The following ATP5F1B variants were observed in gnomAD, a reference collection of about 807,000 sequenced individuals.
ATP5F1B encodes ATP synthase F1 subunit beta.
Under a neutral mutation model 45.9 loss-of-function variants are expected in ATP5F1B, and 17 were observed. That is an observed-to-expected ratio of 0.37 (90% CI 0.25 to 0.56). The LOEUF is 0.56. Among genes scored for constraint, ATP5F1B ranks in the 20% least tolerant of loss-of-function variants. ATP5F1B has a pLI of 0.80. For missense variants in ATP5F1B, 387 were observed against 673.2 expected, an observed-to-expected ratio of 0.57 and a Z score of 4.70; for synonymous variants, 218 against 256.5, an observed-to-expected ratio of 0.85 and a Z score of 1.43.
At chr12:56,642,926 T>C in intron 5 of ATP5F1B, 95 bp from the exon 6 acceptor site, 7 of 1,387,814 alleles carry the variant, frequency 5.0e-6, no homozygotes, top group Non-Finnish European at 6.9e-6. Context: ...ACAGATCCTT[T>C]CTCAGAAGGT....
At position 56,638,273 on chromosome 12, in the gene ATP5F1B, C is replaced by A. The variant is rs1471504546; in HGVS notation, c.*50G>T. On this transcript the variant is annotated 3_prime_UTR_variant, in exon 10 of 10. Coordinates refer to ENST00000262030, the MANE Select transcript of ATP5F1B (RefSeq NM_001686.4). ...GTGCAGCCTACACAGAAAAATGAAG[C>A]TTTTTGGGTTAGGGGCAAGGAGAGA... The A allele has an allele frequency of 6.7e-7, 1 of 1,502,206 alleles. No homozygotes were observed. Among genetic ancestry groups the A allele is most frequent in the Non-Finnish European group, 9.2e-7 (1 of 1,087,230 alleles). 93.1% of individuals were successfully genotyped at this position (1,502,206 alleles called of 1,614,324 possible). A position where few individuals can be genotyped will look rare whatever the true frequency, so the allele number is the denominator to read the frequency against.
At chr12:56,640,753 CAA>C (rs1418102620) in intron 7 of ATP5F1B, among the ~76,000 whole-genome samples, 1 of 151,274 alleles carries the variant, frequency 6.6e-6, no homozygotes, top group Non-Finnish European at 1.5e-5. Context: ...GAATTAAAAA[CAA>C]GAGGCTGGGG....
chr12:56,642,558 A>G lies in ATP5F1B; in HGVS notation c.974T>C (p.Ile325Thr). 1.9e-6 allele frequency: 3 copies of G among 1,614,136 alleles called. No homozygotes were observed. Among genetic ancestry groups the G allele is most frequent in the Non-Finnish European group, 2.5e-6 (3 of 1,180,020 alleles). Residue 325 changes from isoleucine to threonine, a missense_variant, in exon 7 of 10, where the codon ATC (isoleucine) becomes ACC (threonine). This residue lies in a region of ATP5F1B where 154 missense variants were observed against 361.4 expected (regional missense o/e 0.43). Transcript: ENST00000262030. The stretch of plus-strand genomic sequence containing the variant: ...AGGCTGATAGCCCACAGCAGAAGGG[A>G]TTCGGCCCAATAATGCAGACACCTA... Reference protein sequence around the residue: ...GSEVSALLGRIPSAVGYQPTL... With the variant: ...GSEVSALLGRTPSAVGYQPTL...
chr12:56,641,820 G>C (rs1196378007), intron 7 of ATP5F1B, among the ~76,000 whole-genome samples: 1 of 151,924 alleles, frequency 6.6e-6, no homozygotes, highest in Non-Finnish European at 1.5e-5. Context: ...CAAAGTGCTG[G>C]GATTACAGGC....
chr12:56,640,235 T>TTTG, intron 7 of ATP5F1B, 43 bp from the exon 8 acceptor site: 1 of 1,554,020 alleles, frequency 6.4e-7, no homozygotes, highest in African/African-American at 1.4e-5. Flanking sequence ...AAGTAAATTT[T>TTTG]TTTTTTTTTT....
Position 56,643,977 on chromosome 12 carries a change from G to C in ATP5F1B, c.486-19C>G, listed in dbSNP as rs1223382027. ...AGCAAATCTGTAAAGGTAGAAGAGA[G>C]GATAGTATCTATTCACCTTGTTGAA... On this transcript the variant is annotated intron_variant, in intron 3 of 9. Coordinates refer to ENST00000262030, the MANE Select transcript of ATP5F1B (RefSeq NM_001686.4). 6.2e-7 allele frequency: 1 copy of C among 1,611,814 alleles called. No individual in the cohort carries two copies.
chr12:56,643,221 T>C lies in ATP5F1B; in HGVS notation c.792+182A>G, dbSNP rs1951524958. On this transcript the variant is annotated intron_variant, in intron 5 of 9. Coordinates refer to ENST00000262030, the MANE Select transcript of ATP5F1B (RefSeq NM_001686.4). ...AGGAAAGAAAATGTCCATTTGTGTA[T>C]TGGAAGTTGGGGGGGAAAACACTAA... 1.3e-5 allele frequency: 7 copies of C among 530,026 alleles called. No individual in the cohort carries two copies. In the Admixed American group the frequency reaches 1.8e-4, roughly 13 times the overall value. 32.8% of individuals were successfully genotyped at this position (530,026 alleles called of 1,614,324 possible).
chr12:56,642,820 T>C lies in ATP5F1B; in HGVS notation c.804A>G (p.Val268=). Reference sequence around the variant, plus strand: ...CAGGTGGTTCATTCATTTGACCATATACCAGCGCTACCTGCAGTAATCATA... The same window carrying C: ...CAGGTGGTTCATTCATTTGACCATACACCAGCGCTACCTGCAGTAATCATA... ...LKDATSKVAL[V]YGQMNEPPGA... The change falls in exon 6 of 10, where the codon GTA becomes GTG. Residue 268 remains valine, a synonymous_variant. Coordinates refer to ENST00000262030, the MANE Select transcript of ATP5F1B (RefSeq NM_001686.4). The C allele has an allele frequency of 6.2e-7, 1 of 1,614,116 alleles. No homozygotes were observed. The highest frequency in any genetic ancestry group is 1.1e-5 in the South Asian group (1 of 91,086).
At chr12:56,639,025 T>C in intron 9 of ATP5F1B, 81 bp downstream of exon 9, 1 of 1,290,970 alleles carries the variant, frequency 7.7e-7, no homozygotes, top group Non-Finnish European at 1.1e-6. Context: ...TTAAGCATAG[T>C]ATATTACATA....
At position 56,642,516 on chromosome 12, in the gene ATP5F1B, A is replaced by G. The variant is rs1329185982; in HGVS notation, c.1016T>C (p.Met339Thr). ...VGYQPTLATD[M>T]GTMQERITTT... is the part of the protein sequence containing the mutation. ...GGTAATTCTTTCCTGCATAGTACCC[A>G]TGTCAGTGGCCAGGGTAGGCTGATA... The change falls in exon 7 of 10, where the codon ATG (methionine) becomes ACG (threonine). Residue 339 changes from methionine (M) to threonine (T), a missense_variant. Met to Thr is a moderately conservative substitution (Grantham distance 81). Around this residue, in one of 6 missense-constraint regions of ATP5F1B, gnomAD observed 154 missense variants for 361.4 expected, o/e 0.43. Transcript: ENST00000262030. 1 of 1,614,086 alleles carries G rather than the reference A, an allele frequency of 6.2e-7. No homozygotes were observed. The highest frequency in any genetic ancestry group is 1.7e-5 in the Admixed American group (1 of 60,010).
intron 7 of ATP5F1B, 141 bp from the exon 8 acceptor site, chr12:56,640,333 ATT>A (rs972812622): frequency 2.9e-6 from 2 of 684,632 alleles, no homozygotes; most frequent in African/African-American, 3.7e-5. Flanking sequence ...GATTCAAGCA[ATT>A]CTCTGTCTCA....
At chr12:56,643,623 T>C (rs1951529151) in intron 4 of ATP5F1B, 36 bp from the exon 5 acceptor site, 1 of 1,611,336 alleles carries the variant, frequency 6.2e-7, no homozygotes, top group Admixed American at 1.7e-5. Context: ...ATTTAAGAGT[T>C]CTGCTTTCCT....
chr12:56,645,594 G>T (rs988344285), intron 1 of ATP5F1B, among the ~76,000 whole-genome samples: 1 of 152,164 alleles, frequency 6.6e-6, no homozygotes, highest in Non-Finnish European at 1.5e-5. Flanking sequence ...CAACCGGAAG[G>T]TCAACGCACC....
chr12:56,638,988 G>T, intron 9 of ATP5F1B, 118 bp downstream of exon 9: 1 of 980,654 alleles, frequency 1.0e-6, no homozygotes, highest in Non-Finnish European at 1.5e-6. Flanking sequence ...CAATGGGTAA[G>T]TTTGTTTTTT....
At chr12:56,645,445 A>C in intron 1 of ATP5F1B, 92 bp from the exon 2 acceptor site, 64 of 1,374,174 alleles carry the variant, frequency 4.7e-5, no homozygotes, top group Non-Finnish European at 5.6e-5. Flanking sequence ...AGGAAAACTC[A>C]GCCGAAGTCA....
Position 56,645,864 on chromosome 12 carries a change from G to A in ATP5F1B, c.100C>T (p.Arg34Trp), listed in dbSNP as rs767840117. The A allele has an allele frequency of 1.9e-6, 3 of 1,609,096 alleles. No homozygotes were observed. Among genetic ancestry groups the A allele is most frequent in the African/African-American group, 1.3e-5 (1 of 74,874 alleles). Reference sequence around the variant, plus strand: ...GGATGGACCGCCGTCGGAGCGGCCCGCAGTAAGAGCTGAGCTGGGGGCAGC... The same window carrying A: ...GGATGGACCGCCGTCGGAGCGGCCCACAGTAAGAGCTGAGCTGGGGGCAGC... ...ASLPPAQLLL[R>W]AAPTAVHPVR... is the part of the protein sequence containing the mutation. Residue 34 changes from arginine to tryptophan, a missense_variant, in exon 1 of 10, where the codon CGG (arginine) becomes TGG (tryptophan). Physicochemically the swap from Arg to Trp is moderately radical, Grantham distance 101. This residue lies in a region of ATP5F1B where 76 missense variants were observed against 62.0 expected (regional missense o/e 1.23). Transcript: ENST00000262030.
Position 56,645,009 on chromosome 12 carries a change from C to G in ATP5F1B, c.311-54G>C, listed in dbSNP as rs774852219. The G allele has an allele frequency of 5.8e-5, 93 of 1,612,894 alleles. 1 individual carries two copies. Among genetic ancestry groups the G allele is most frequent in the African/African-American group, 9.3e-5 (7 of 74,908 alleles). On this transcript the variant is annotated intron_variant, in intron 2 of 9. Transcript: ENST00000262030. ...ACATAAGGATAAATTGGTATCAAGA[C>G]CTAAATCGACCAAGACTCCTTCTCA...
rs1440483383 is a variant in ATP5F1B, at chr12:56,645,967, G to A, written c.-4C>T. 1 of 1,597,564 alleles carries A rather than the reference G, an allele frequency of 6.3e-7. No homozygotes were observed. The highest frequency in any genetic ancestry group is 1.8e-5 in the Admixed American group (1 of 57,082). On this transcript the variant is annotated 5_prime_UTR_variant, in exon 1 of 10. In the 5' UTR this introduces an upstream ATG that the reference lacks. Transcript: ENST00000262030. ...CCCGACCCACAAACCCCAACATGGC[G>A]TAGTCCGGGTGGAGACTGAAGGCTG...
intron 8 of ATP5F1B, chr12:56,639,563 G>C (rs1474685489): frequency 2.0e-6 from 1 of 499,496 alleles, no homozygotes; most frequent in African/African-American, 1.9e-5. Flanking sequence ...CATGAGGTCA[G>C]GAGATCGAGA....
Sources: gnomAD v4.1 joint callset for allele counts (sites outside exome capture counted in the v4.1 genomes callset) on GRCh38, gnomAD v4.1.1 for gene constraint, gnomAD v4.1.1 regional missense constraint, MANE v1.5 for transcripts, NCBI Gene and HGNC (gene_info 2026-07-23, HGNC 2026-07-21) for gene names.